HEATR3: variants seen among roughly 807,000 people sequenced by gnomAD.
HEATR3 encodes HEAT repeat-containing protein 3.
In HEATR3, 56 loss-of-function variants were observed where a neutral mutation model predicts 72.8. The observed-to-expected ratio is 0.77, with a 90% CI of 0.62 to 0.96. The LOEUF is 0.96. Among genes scored for constraint, HEATR3 ranks in the 40% least tolerant of loss-of-function variants. The pLI is 0.00. For missense variants in HEATR3, 747 were observed against 831.4 expected (o/e 0.90, Z 1.25); for synonymous variants, 331 against 318.1 (o/e 1.04, Z -0.43).
intron 12 of HEATR3, among the ~76,000 whole-genome samples, chr16:50,098,786 A>G (rs193081004): frequency 2.0e-5 from 3 of 152,204 alleles, no homozygotes; most frequent in South Asian, 2.1e-4. Context: ...AAAAGACATT[A>G]AAATTATTTG....
Position 50,084,613 on chromosome 16 carries a change from A to G in HEATR3, c.1335A>G (p.Leu445=), listed in dbSNP as rs1315906129. The G allele has an allele frequency of 1.2e-6, 2 of 1,613,008 alleles. No homozygotes were observed. Among genetic ancestry groups the G allele is most frequent in the Middle Eastern group, 1.6e-4 (1 of 6,062 alleles). Residue 445 remains leucine, a synonymous_variant, in exon 10 of 15, where the codon CTA becomes CTG. Transcript: ENST00000299192. ...TAFPNSIAVD[L]CSRNPTWKPL... is the part of the protein sequence containing the mutation. ...TTCCAAACAGCATTGCAGTTGACCT[A>G]TGTTCTAGGAACCCTACTTGGAAAC...
intron 13 of HEATR3, 192 bp downstream of exon 13, chr16:50,100,565 A>G (rs1199795894): frequency 1.3e-5 from 7 of 532,532 alleles, no homozygotes; most frequent in Non-Finnish European, 2.3e-5. Context: ...TAAGTATTTG[A>G]AAAGTTGAGC....
chr16:50,075,951 G>A (rs2036718239), intron 6 of HEATR3, among the ~76,000 whole-genome samples: 1 of 151,824 alleles, frequency 6.6e-6, no homozygotes, highest in Non-Finnish European at 1.5e-5. Context: ...AAGAGATGCT[G>A]TTGTCAGGAT....
chr16:50,068,538 C>G (rs964843147), intron 2 of HEATR3, among the ~76,000 whole-genome samples: 5 of 152,170 alleles, frequency 3.3e-5, no homozygotes, highest in Non-Finnish European at 7.4e-5. Context: ...TGTAGCCATG[C>G]ACCTGTATAC....
At chr16:50,094,572 GTTTT>G (rs948567929) in intron 11 of HEATR3, 129 bp from the exon 12 acceptor site, 3 of 511,528 alleles carry the variant, frequency 5.9e-6, no homozygotes, top group South Asian at 6.6e-5. Context: ...AATATCGAGG[GTTTT>G]TTTTTGTTTG....
chr16:50,066,043 A>T lies in HEATR3; in HGVS notation c.-89A>T. The stretch of plus-strand genomic sequence containing the variant: ...CCGTCAGCCGGCCCAGCTGAGCAGC[A>T]GCAACGGACCTTGTTAACGGCGCGG... On this transcript the variant is annotated 5_prime_UTR_variant, in exon 1 of 15. Coordinates refer to ENST00000299192, the MANE Select transcript of HEATR3 (RefSeq NM_182922.4). 1 of 1,295,782 alleles carries T rather than the reference A, an allele frequency of 7.7e-7. No individual in the cohort carries two copies. The highest frequency in any genetic ancestry group is 1.0e-6 in the Non-Finnish European group (1 of 973,998). 80.3% of individuals were successfully genotyped at this position (1,295,782 alleles called of 1,614,324 possible). A position where few individuals can be genotyped will look rare whatever the true frequency, so the allele number is the denominator to read the frequency against.
At chr16:50,087,174 A>T (rs2037006521) in intron 11 of HEATR3, among the ~76,000 whole-genome samples, 1 of 151,886 alleles carries the variant, frequency 6.6e-6, no homozygotes, top group Non-Finnish European at 1.5e-5. Flanking sequence ...GTATGCGGGC[A>T]TGCGTGCGTG....
chr16:50,079,758 C>T (rs1310691100), intron 7 of HEATR3, among the ~76,000 whole-genome samples: 1 of 152,186 alleles, frequency 6.6e-6, no homozygotes, highest in South Asian at 2.1e-4. Context: ...AGGCACTGTG[C>T]TAGACGCTGG....
intron 11 of HEATR3, among the ~76,000 whole-genome samples, chr16:50,090,175 T>C (rs181340901): frequency 6.6e-6 from 1 of 152,176 alleles, no homozygotes; most frequent in East Asian, 1.9e-4. Flanking sequence ...GGCAACATAG[T>C]GATACCCTGT....
At chr16:50,075,821 T>A in intron 6 of HEATR3, 110 bp downstream of exon 6, 1 of 884,608 alleles carries the variant, frequency 1.1e-6, no homozygotes, top group South Asian at 1.7e-5. Context: ...TCTGTGCTTT[T>A]ATCTGTTCTG....
At chr16:50,072,931 A>G (rs1263571450) in intron 5 of HEATR3, 2 of 475,072 alleles carry the variant, frequency 4.2e-6, no homozygotes, top group Non-Finnish European at 7.5e-6. Flanking sequence ...TGAAAGGGAG[A>G]AAGGTAATTA....
intron 10 of HEATR3, 116 bp from the exon 11 acceptor site, chr16:50,086,099 A>G: frequency 4.3e-6 from 4 of 939,184 alleles, no homozygotes; most frequent in Non-Finnish European, 6.2e-6. Flanking sequence ...TGCCATAGAT[A>G]CCTTGTATTT....
rs754439106 is a variant in HEATR3 at position 50,105,092 on chromosome 16, C to T, written c.*31C>T. The T allele has an allele frequency of 6.3e-7, 1 of 1,599,526 alleles. No homozygotes were observed. On this transcript the variant is annotated 3_prime_UTR_variant, in exon 15 of 15. Coordinates refer to ENST00000299192, the MANE Select transcript of HEATR3 (RefSeq NM_182922.4). ...CCAAAAAAGAAACCAGTTCTTCCCCCAAAGTATTCAATGCTTAGAATACTA... is the reference window on the plus strand; with the variant it reads ...CCAAAAAAGAAACCAGTTCTTCCCCTAAAGTATTCAATGCTTAGAATACTA...
At chr16:50,066,334 G>A (rs928183060) in intron 1 of HEATR3, 33 bp from the exon 2 acceptor site, 1 of 1,562,400 alleles carries the variant, frequency 6.4e-7, no homozygotes, top group South Asian at 1.2e-5. Flanking sequence ...TGCGCATTGC[G>A]CGCCTTCTGA....
chr16:50,100,824 C>T (rs1234571424), intron 13 of HEATR3: 1 of 201,672 alleles, frequency 5.0e-6, no homozygotes, highest in African/African-American at 2.4e-5. Context: ...AAATTTTAAG[C>T]AGCAACCCTG....
chr16:50,097,882 A>C (rs1055039557), intron 12 of HEATR3, among the ~76,000 whole-genome samples: 3 of 151,002 alleles, frequency 2.0e-5, no homozygotes, highest in East Asian at 3.9e-4. Flanking sequence ...ACTGCACTCC[A>C]GCCTGGGTGA....
At chr16:50,081,881 G>A (rs973899040) in intron 7 of HEATR3, among the ~76,000 whole-genome samples, 2 of 152,114 alleles carry the variant, frequency 1.3e-5, no homozygotes, top group Non-Finnish European at 2.9e-5. Flanking sequence ...TCTAGTTCCC[G>A]TCACGCTGTC....
chr16:50,085,517 C>T (rs1218578189), intron 10 of HEATR3, among the ~76,000 whole-genome samples: 1 of 151,838 alleles, frequency 6.6e-6, no homozygotes, highest in South Asian at 2.1e-4. Context: ...AGCTGTAGTC[C>T]TAGCTACTTA....
chr16:50,066,348 T>A lies in HEATR3; in HGVS notation c.139-19T>A, dbSNP rs1315732772. 1 of 1,555,798 alleles carries A rather than the reference T, an allele frequency of 6.4e-7. No homozygotes were observed. ...GTGCGCATTGCGCGCCTTCTGACCC[T>A]TTTCGCTCTCATCCGCAGCTCCAGC... On this transcript the variant is annotated intron_variant, in intron 1 of 14. Transcript: ENST00000299192.
Sources: allele counts gnomAD v4.1 joint callset (sites outside exome capture counted in the v4.1 genomes callset), GRCh38; gene constraint gnomAD v4.1.1; transcripts MANE v1.5; gene names NCBI Gene and HGNC (gene_info 2026-07-23, HGNC 2026-07-21).